PCDHGA3: variants seen among roughly 807,000 people sequenced by gnomAD.
PCDHGA3 encodes the protein protocadherin gamma subfamily A, 3.
In PCDHGA3, 40 loss-of-function variants were observed where a neutral mutation model predicts 58.5. That is an observed-to-expected ratio of 0.68 (90% CI 0.53 to 0.89). PCDHGA3 has a LOEUF of 0.89. Among genes scored for constraint, PCDHGA3 ranks in the 40% least tolerant of loss-of-function variants. The probability of loss-of-function intolerance (pLI) is 0.00; values close to 1 mark genes in which losing one functional copy is unlikely to be tolerated. For synonymous variants in PCDHGA3, 530 were observed against 525.7 expected, an observed-to-expected ratio of 1.01 and a Z score of -0.11; for missense variants, 1,223 against 1,195.9, an observed-to-expected ratio of 1.02 and a Z score of -0.33.
At chr5:141,440,912 G>T (rs1281398967) in intron 1 of PCDHGA3, 1 of 152,254 alleles carries the variant, frequency 6.6e-6, no homozygotes, top group Admixed American at 6.5e-5. Context: ...GGGCACTCCT[G>T]TGCTGAGAGT....
At position 141,423,201 on chromosome 5, in the gene PCDHGA3, C is replaced by T. The variant is rs749613139; in HGVS notation, c.2425-71606C>T. 24 of 1,613,628 alleles carry T rather than the reference C, an allele frequency of 1.5e-5. No homozygotes were observed. The South Asian group carries it at 1.5e-4, about 10-fold the overall frequency. ...ACGGCCAGCCCCCTCTCTCGGCCAC[C>T]GTCACGCTCACCGTGGCTGTGGCCG... On this transcript the variant is annotated intron_variant, in intron 1 of 3. Coordinates refer to ENST00000253812, the MANE Select transcript of PCDHGA3 (RefSeq NM_018916.4).
intron 1 of PCDHGA3, among the ~76,000 whole-genome samples, chr5:141,430,380 T>C (rs1464446838): frequency 2.7e-5 from 4 of 147,890 alleles, no homozygotes; most frequent in Non-Finnish European, 4.5e-5. Flanking sequence ...AAAAGCTCAT[T>C]GGGAAAAAAA....
At chr5:141,350,134 G>T in intron 1 of PCDHGA3, 1 of 741,332 alleles carries the variant, frequency 1.3e-6, no homozygotes, top group Non-Finnish European at 2.0e-6. Context: ...GAGCACAGAC[G>T]CTGCTCCTGT....
intron 1 of PCDHGA3, chr5:141,350,890 T>G (rs1196284967): frequency 3.7e-6 from 6 of 1,613,946 alleles, no homozygotes; most frequent in Non-Finnish European, 5.1e-6. Flanking sequence ...TAATCCTGAC[T>G]GCCATGGATG....
At chr5:141,375,928 A>G (rs3749773) in intron 1 of PCDHGA3, 89,673 of 1,613,560 alleles carry the variant, frequency 0.056, 2,973 homozygotes, top group African/African-American at 0.14. Context: ...GCGAGCCAGG[A>G]CTTTTCTCAG....
chr5:141,499,689 C>CTTTTTTTT (rs545067566), intron 2 of PCDHGA3, among the ~76,000 whole-genome samples: 2 of 119,854 alleles, frequency 1.7e-5, no homozygotes, highest in Non-Finnish European at 1.7e-5. Context: ...TAACAGATGA[C>CTTTTTTTT]TTTTTTTTTT....
chr5:141,460,783 T>G (rs1000959104), intron 1 of PCDHGA3, among the ~76,000 whole-genome samples: 1 of 152,030 alleles, frequency 6.6e-6, no homozygotes, highest in Non-Finnish European at 1.5e-5. Flanking sequence ...TGTATACATA[T>G]ATACACACAA....
chr5:141,432,173 G>C lies in PCDHGA3; in HGVS notation c.2425-62634G>C, dbSNP rs771177256. On this transcript the variant is annotated intron_variant, in intron 1 of 3. Transcript: ENST00000253812. This position sits in a 1 kb window ranked among gnomAD's most constrained non-coding sequence, Gnocchi z 6.0. ...GAACAATCCCAGAGGAGTTTCCCTC[G>C]TCTCTGTGACCGCCCACGACCCCGA... The C allele has an allele frequency of 3.1e-6, 5 of 1,614,054 alleles. No homozygotes were observed. Among genetic ancestry groups the C allele is most frequent in the South Asian group, 1.1e-5 (1 of 91,054 alleles).
chr5:141,503,260 C>A (rs2154593294), intron 2 of PCDHGA3, among the ~76,000 whole-genome samples: 1 of 152,178 alleles, frequency 6.6e-6, no homozygotes, highest in African/African-American at 2.4e-5. Flanking sequence ...ACAGCCACAA[C>A]CCCAGCACCT....
chr5:141,508,139 G>C (rs1243018384), intron 3 of PCDHGA3: 1 of 152,514 alleles, frequency 6.6e-6, no homozygotes, highest in African/African-American at 2.4e-5. Flanking sequence ...CAGGGAGCTG[G>C]GGGCTGAGTT....
At position 141,493,904 on chromosome 5, in the gene PCDHGA3, G is replaced by A. The variant is rs1204744465; in HGVS notation, c.2425-903G>A. Among the ~76,000 whole-genome samples, 1 of 152,216 alleles carries A rather than the reference G, an allele frequency of 6.6e-6. No individual in the cohort carries two copies. Among genetic ancestry groups the A allele is most frequent in the Non-Finnish European group, 1.5e-5 (1 of 68,028 alleles). On this transcript the variant is annotated intron_variant, in intron 1 of 3. Transcript: ENST00000253812. The surrounding 1 kb of genome is among the most constrained non-coding windows in gnomAD (Gnocchi z 4.3). ...GGCTCTAGGAGTGCTCCATGAGAGT[G>A]TGTGATGGGATAACACACCCCCTGG...
intron 1 of PCDHGA3, chr5:141,389,945 G>A (rs2150405694): frequency 1.9e-6 from 3 of 1,614,056 alleles, no homozygotes; most frequent in Middle Eastern, 1.6e-4. Context: ...CTGAGCTGCA[G>A]TTTTACCTAG....
chr5:141,364,683 G>C, intron 1 of PCDHGA3: 1 of 1,613,976 alleles, frequency 6.2e-7, no homozygotes, highest in Non-Finnish European at 8.5e-7. Flanking sequence ...AAAATTTATG[G>C]AGTAGAAGTA....
At chr5:141,362,151 G>C (rs570950443) in intron 1 of PCDHGA3, 5 of 1,614,026 alleles carry the variant, frequency 3.1e-6, no homozygotes, top group Middle Eastern at 1.7e-4. Flanking sequence ...AAGAGGTATT[G>C]CCAGACCTCA....
At chr5:141,468,140 C>T (rs910524133) in intron 1 of PCDHGA3, among the ~76,000 whole-genome samples, 3 of 151,942 alleles carry the variant, frequency 2.0e-5, no homozygotes, top group African/African-American at 7.2e-5. Flanking sequence ...GCCTGGCCAA[C>T]ATGGTGAAAC....
intron 1 of PCDHGA3, chr5:141,423,750 TGGGG>T: frequency 7.0e-5 from 20 of 287,406 alleles, no homozygotes; most frequent in Non-Finnish European, 9.0e-5. Context: ...GAAAACTGTT[TGGGG>T]GGGGGGTGGG....
At chr5:141,350,601 T>C in intron 1 of PCDHGA3, 1 of 1,614,050 alleles carries the variant, frequency 6.2e-7, no homozygotes, top group Non-Finnish European at 8.5e-7. Flanking sequence ...ATGAATGTTT[T>C]CCACGTGGTT....
chr5:141,383,412 G>C (rs1417112594), intron 1 of PCDHGA3: 3 of 1,613,874 alleles, frequency 1.9e-6, no homozygotes, highest in East Asian at 2.2e-5. Context: ...AGAGTTACCA[G>C]CTCAGCCCCA....
intron 1 of PCDHGA3, among the ~76,000 whole-genome samples, chr5:141,464,440 T>C (rs566597587): frequency 6.6e-6 from 1 of 151,608 alleles, no homozygotes; most frequent in South Asian, 2.1e-4. Context: ...TATATGTTTG[T>C]TGTTGTTGTT....
Sources: gnomAD v4.1 joint callset for allele counts (sites outside exome capture counted in the v4.1 genomes callset) on GRCh38, gnomAD v4.1.1 for gene constraint, Gnocchi (gnomAD v3.1) non-coding constraint, MANE v1.5 for transcripts, NCBI Gene and HGNC (gene_info 2026-07-23, HGNC 2026-07-21) for gene names.